Variants in CNTNAP2 observed in about 807,000 individuals in gnomAD.
The protein encoded by CNTNAP2 is contactin associated protein 2.
Under a neutral mutation model 155.2 loss-of-function variants are expected in CNTNAP2, and 98 were observed. The observed-to-expected ratio is 0.63, with a 90% CI of 0.54 to 0.75. The LOEUF (loss-of-function observed/expected upper bound fraction) is 0.75. Among genes scored for constraint, CNTNAP2 ranks in the 30% least tolerant of loss-of-function variants. The pLI, the probability that CNTNAP2 is intolerant of heterozygous loss-of-function variation, is 0.00. For synonymous variants in CNTNAP2, 651 were observed against 631.2 expected, an observed-to-expected ratio of 1.03 and a Z score of -0.47; for missense variants, 1,727 against 1,688.1, an observed-to-expected ratio of 1.02 and a Z score of -0.40.
chr7:147,550,025 G>A (rs1307693394), intron 11 of CNTNAP2, among the ~76,000 whole-genome samples: 1 of 152,124 alleles, frequency 6.6e-6, no homozygotes, highest in Non-Finnish European at 1.5e-5. Flanking sequence ...TTCATAGAAG[G>A]ATTTAGAAGT....
At chr7:147,481,328 T>C (rs1006731741) in intron 10 of CNTNAP2, among the ~76,000 whole-genome samples, 5 of 152,212 alleles carry the variant, frequency 3.3e-5, no homozygotes, top group African/African-American at 9.6e-5. Context: ...AGTAAGCTAC[T>C]ACAAACAAAC....
intron 11 of CNTNAP2, among the ~76,000 whole-genome samples, chr7:147,555,847 A>G: frequency 6.6e-6 from 1 of 152,180 alleles, no homozygotes; most frequent in East Asian, 1.9e-4. Context: ...AGCGTCATGG[A>G]ACTCTAGCTC....
intron 12 of CNTNAP2, among the ~76,000 whole-genome samples, chr7:147,622,394 C>A (rs569347956): frequency 1.3e-5 from 2 of 152,040 alleles, no homozygotes; most frequent in South Asian, 4.1e-4. Flanking sequence ...GGTCACAAAA[C>A]AAGACTTAAA....
At chr7:147,094,151 A>G (rs1411733926) in intron 4 of CNTNAP2, among the ~76,000 whole-genome samples, 4 of 152,074 alleles carry the variant, frequency 2.6e-5, no homozygotes, top group African/African-American at 9.7e-5. Context: ...CTCTGTGGAG[A>G]TCTTGCAGAG....
intron 1 of CNTNAP2, among the ~76,000 whole-genome samples, chr7:146,723,875 C>T (rs530643263): frequency 6.6e-6 from 1 of 152,102 alleles, no homozygotes; most frequent in Non-Finnish European, 1.5e-5. Context: ...ATGCTCAGGT[C>T]TTATAGTAGT....
chr7:146,984,367 CAAAA>C (rs34062629), intron 3 of CNTNAP2, among the ~76,000 whole-genome samples: 4 of 94,080 alleles, frequency 4.3e-5, no homozygotes, highest in Non-Finnish European at 6.4e-5. Flanking sequence ...AACCCCATCT[CAAAA>C]AAAAAAAAAA....
chr7:147,920,958 C>T (rs539174642), intron 14 of CNTNAP2, among the ~76,000 whole-genome samples: 6 of 151,856 alleles, frequency 4.0e-5, no homozygotes, highest in Admixed American at 1.3e-4. Flanking sequence ...TACAGGCACC[C>T]GCCACCACGC....
chr7:147,932,546 C>A (rs1800525622), intron 14 of CNTNAP2, among the ~76,000 whole-genome samples: 1 of 152,150 alleles, frequency 6.6e-6, no homozygotes, highest in Non-Finnish European at 1.5e-5. Context: ...GTACACCATA[C>A]ATAAAAATCA....
intron 1 of CNTNAP2, among the ~76,000 whole-genome samples, chr7:146,200,395 G>T (rs1175909280): frequency 6.6e-6 from 1 of 152,080 alleles, no homozygotes; most frequent in Admixed American, 6.5e-5. Flanking sequence ...TCGGGAGGCT[G>T]AGGCAGGAGA....
At chr7:147,163,141 A>G (rs1334667403) in intron 8 of CNTNAP2, among the ~76,000 whole-genome samples, 1 of 152,212 alleles carries the variant, frequency 6.6e-6, no homozygotes, top group East Asian at 1.9e-4. Flanking sequence ...GCAAGAACAC[A>G]GAAAGTTAAG....
At chr7:148,046,946 C>T (rs1563179797) in intron 15 of CNTNAP2, among the ~76,000 whole-genome samples, 1 of 152,120 alleles carries the variant, frequency 6.6e-6, no homozygotes, top group Non-Finnish European at 1.5e-5. Flanking sequence ...TTATACTAAT[C>T]ATCAGATATA....
rs551754903 is a variant in CNTNAP2 at position 147,565,198 on chromosome 7, T to C, written c.1897+2941T>C. On this transcript the variant is annotated intron_variant, in intron 12 of 23. Coordinates refer to ENST00000361727, the MANE Select transcript of CNTNAP2 (RefSeq NM_014141.6). ...AAAGGTGAAGAAGAGAAATGAGCCA[T>C]ATAAATCAATCCCCCAGGGCACAAG... 9.2e-5 allele frequency among the ~76,000 whole-genome samples: 14 copies of C among 152,190 alleles called. 1 individual carries two copies. Among genetic ancestry groups the C allele is most frequent in the Middle Eastern group, 3.4e-3 (1 of 294 alleles).
intron 8 of CNTNAP2, among the ~76,000 whole-genome samples, chr7:147,199,016 C>A (rs1395717949): frequency 7.2e-6 from 1 of 139,822 alleles, no homozygotes; most frequent in Admixed American, 7.8e-5. Context: ...GGCTGGAGTG[C>A]AATGGCGTGG....
intron 10 of CNTNAP2, among the ~76,000 whole-genome samples, chr7:147,402,395 C>A (rs529424262): frequency 1.3e-5 from 2 of 152,190 alleles, no homozygotes; most frequent in Admixed American, 6.5e-5. Context: ...GACAACTGCT[C>A]CTTCTGGCCT....
intron 1 of CNTNAP2, among the ~76,000 whole-genome samples, chr7:146,747,521 C>A (rs552543283): frequency 5.8e-4 from 89 of 152,248 alleles, no homozygotes; most frequent in African/African-American, 2.0e-3. Flanking sequence ...GTGAAAAATG[C>A]ATACCACTCC....
intron 8 of CNTNAP2, among the ~76,000 whole-genome samples, chr7:147,268,140 G>T (rs921029091): frequency 6.6e-6 from 1 of 152,084 alleles, no homozygotes; most frequent in South Asian, 2.1e-4. Flanking sequence ...TATAAATGGT[G>T]TTTAATGCTA....
At chr7:147,477,288 A>G (rs929156005) in intron 10 of CNTNAP2, among the ~76,000 whole-genome samples, 4 of 152,196 alleles carry the variant, frequency 2.6e-5, no homozygotes, top group Non-Finnish European at 5.9e-5. Flanking sequence ...TCCTTGTTAT[A>G]TAAGAAAAAG....
At chr7:146,984,156 T>C (rs1798071454) in intron 3 of CNTNAP2, among the ~76,000 whole-genome samples, 1 of 151,852 alleles carries the variant, frequency 6.6e-6, no homozygotes, top group Non-Finnish European at 1.5e-5. Flanking sequence ...TCAACTGAGG[T>C]CGGGAGTTCG....
intron 21 of CNTNAP2, among the ~76,000 whole-genome samples, chr7:148,356,204 A>T (rs1272150351): frequency 6.6e-6 from 1 of 152,176 alleles, no homozygotes; most frequent in Non-Finnish European, 1.5e-5. Flanking sequence ...TCTATGTTCC[A>T]TAAAACATGG....
Sources: gnomAD v4.1 joint callset for allele counts (sites outside exome capture counted in the v4.1 genomes callset) on GRCh38, gnomAD v4.1.1 for gene constraint, MANE v1.5 for transcripts, NCBI Gene and HGNC (gene_info 2026-07-23, HGNC 2026-07-21) for gene names.